Variants in SSPN observed in about 807,000 individuals in gnomAD.
The protein encoded by SSPN is sarcospan.
A neutral mutation model predicts 19.1 loss-of-function variants in SSPN; 15 were observed. That is an observed-to-expected ratio of 0.78 (90% CI 0.52 to 1.21). SSPN has a LOEUF of 1.21. Ranked by LOEUF, SSPN falls within the 50% of genes most tolerant of loss-of-function variation. The probability of loss-of-function intolerance (pLI) is 0.00; values close to 1 mark genes in which losing one functional copy is unlikely to be tolerated. For synonymous variants in SSPN, 147 were observed against 140.3 expected (o/e 1.05, Z -0.34); for missense variants, 291 against 314.0 (o/e 0.93, Z 0.55).
At chr12:26,190,597 G>A (rs138881866), upstream of SSPN, among the ~76,000 whole-genome samples, 74 of 152,216 alleles carry the variant, frequency 4.9e-4, 1 homozygote, top group African/African-American at 1.6e-3. Context: ...ATCACTGAAT[G>A]TTGGGGTGAT....
At chr12:26,212,757 C>T (rs1038479221) in intron 1 of SSPN, among the ~76,000 whole-genome samples, 4 of 152,076 alleles carry the variant, frequency 2.6e-5, no homozygotes, top group Admixed American at 6.6e-5. Context: ...AGTAGTCATT[C>T]GCAAAGCTTC....
chr12:26,147,715 C>T (rs1944501318), intron 1 of SSPN, among the ~76,000 whole-genome samples: 1 of 152,212 alleles, frequency 6.6e-6, no homozygotes, highest in African/African-American at 2.4e-5. Context: ...GCAAGCCTGA[C>T]AATAGAAGAC....
intron 1 of SSPN, among the ~76,000 whole-genome samples, chr12:26,172,487 G>A (rs545749076): frequency 3.3e-5 from 5 of 152,242 alleles, no homozygotes; most frequent in African/African-American, 9.6e-5. Flanking sequence ...TCTCTGATGC[G>A]AAAGATGAGG....
rs1380173264 is a variant in SSPN at position 26,201,406 on chromosome 12, T to G, written c.279+5455T>G. On this transcript the variant is annotated intron_variant, in intron 1 of 2. Coordinates refer to ENST00000242729, the MANE Select transcript of SSPN (RefSeq NM_005086.5). ...AAAAAAAAAAAAGAATTTGGCGAAT[T>G]TGGCGAAATGTTTCCTGAAATAATT... 2.6e-5 allele frequency among the ~76,000 whole-genome samples: 4 copies of G among 151,898 alleles called. No individual in the cohort carries two copies. The East Asian group carries it at 5.8e-4, about 22-fold the overall frequency.
intron 1 of SSPN, among the ~76,000 whole-genome samples, chr12:26,129,396 C>T (rs113341562): frequency 1.1e-3 from 169 of 152,250 alleles, no homozygotes; most frequent in African/African-American, 3.6e-3. Context: ...CTAGGAATTT[C>T]GGCTCTTGGC....
At chr12:26,192,164 C>T (rs959791761), upstream of SSPN, among the ~76,000 whole-genome samples, 1 of 152,170 alleles carries the variant, frequency 6.6e-6, no homozygotes, top group African/African-American at 2.4e-5. Context: ...ATTTTGTTTT[C>T]TCCCCCAAGA....
At chr12:26,210,609 T>C (rs1350817377) in intron 1 of SSPN, among the ~76,000 whole-genome samples, 2 of 152,166 alleles carry the variant, frequency 1.3e-5, no homozygotes, top group African/African-American at 4.8e-5. Context: ...TTCATGTTAC[T>C]TTCTCATCTT....
At chr12:26,196,000 C>A in intron 1 of SSPN, 49 bp downstream of exon 1, 1 of 1,393,254 alleles carries the variant, frequency 7.2e-7, no homozygotes, top group Non-Finnish European at 9.4e-7. Context: ...AACAGGAATG[C>A]GAAGTCGCAT....
At chr12:26,198,693 A>C (rs1363136113) in intron 1 of SSPN, among the ~76,000 whole-genome samples, 3 of 152,132 alleles carry the variant, frequency 2.0e-5, no homozygotes, top group Non-Finnish European at 1.5e-5. Context: ...TTGCCGTCTC[A>C]CCTTTCTCTG....
chr12:26,144,772 TA>T (rs1299238981), intron 1 of SSPN, among the ~76,000 whole-genome samples: 4 of 152,364 alleles, frequency 2.6e-5, no homozygotes, highest in African/African-American at 7.2e-5. Context: ...GATGGTTTTG[TA>T]GCATGATTTT....
chr12:26,188,720 T>TA (rs1329656387), intron 1 of SSPN, among the ~76,000 whole-genome samples: 1 of 152,234 alleles, frequency 6.6e-6, no homozygotes, highest in African/African-American at 2.4e-5. Context: ...ATTAAAGCCA[T>TA]ATTATAACCT....
chr12:26,132,528 G>A (rs1009976532), intron 1 of SSPN, among the ~76,000 whole-genome samples: 2 of 152,164 alleles, frequency 1.3e-5, no homozygotes, highest in African/African-American at 4.8e-5. Context: ...TGTAGTCAGT[G>A]GCCTTGGTCT....
intron 1 of SSPN, among the ~76,000 whole-genome samples, chr12:26,223,313 C>T (rs534969495): frequency 5.3e-5 from 8 of 152,280 alleles, no homozygotes; most frequent in Admixed American, 1.3e-4. Context: ...CAGATTCAAG[C>T]GATTCTCCTG....
rs531617864 is a variant in SSPN at position 26,203,218 on chromosome 12, A to G, written c.279+7267A>G. Among the ~76,000 whole-genome samples the G allele has an allele frequency of 1.3e-4, 20 of 152,352 alleles. No individual in the cohort carries two copies. The South Asian group carries it at 3.1e-3, about 24-fold the overall frequency. Reference sequence around the variant, plus strand: ...ATCAAACCATATCAGACAGGAATGTAATCTAGTCATTAAACTTTAATTAGG... The same window carrying G: ...ATCAAACCATATCAGACAGGAATGTGATCTAGTCATTAAACTTTAATTAGG... On this transcript the variant is annotated intron_variant, in intron 1 of 2. Coordinates refer to ENST00000242729, the MANE Select transcript of SSPN (RefSeq NM_005086.5).
chr12:26,177,665 A>C (rs1413011018), intron 1 of SSPN, among the ~76,000 whole-genome samples: 2 of 152,188 alleles, frequency 1.3e-5, no homozygotes, highest in African/African-American at 4.8e-5. Flanking sequence ...AATCCTTTGA[A>C]TGCAAGGAAC....
Position 26,232,922 on chromosome 12 carries a change from C to T in SSPN, c.*1846C>T, listed in dbSNP as rs1024350635. 1.7e-5 allele frequency: 2 copies of T among 115,458 alleles called. No homozygotes were observed. Among genetic ancestry groups the T allele is most frequent in the Non-Finnish European group, 3.3e-5 (2 of 60,384 alleles). The allele number at this position is 115,458 out of a possible 1,614,324, so 7.2% of individuals were successfully genotyped here. A position where few individuals can be genotyped will look rare whatever the true frequency, so the allele number is the denominator to read the frequency against. On this transcript the variant is annotated 3_prime_UTR_variant, in exon 3 of 3. Coordinates refer to ENST00000242729, the MANE Select transcript of SSPN (RefSeq NM_005086.5). ...AGAATGATGAGGACCTGTAAAATAC[C>T]TTGTGCCCTATTAAAAAAAAAAAAA...
At chr12:26,227,379 G>A (rs1283442012) in intron 2 of SSPN, among the ~76,000 whole-genome samples, 1 of 152,182 alleles carries the variant, frequency 6.6e-6, no homozygotes, top group Non-Finnish European at 1.5e-5. Flanking sequence ...AGTCACTAAA[G>A]TGTGAGATAG....
At chr12:26,197,723 G>A (rs1334410466) in intron 1 of SSPN, among the ~76,000 whole-genome samples, 1 of 152,212 alleles carries the variant, frequency 6.6e-6, no homozygotes, top group Admixed American at 6.5e-5. Context: ...CTCCCTGGGT[G>A]TTGCACAAAG....
At chr12:26,213,128 AT>A (rs3082339) in intron 1 of SSPN, among the ~76,000 whole-genome samples, 51,164 of 151,256 alleles carry the variant, frequency 0.34, 9,150 homozygotes, top group South Asian at 0.52. Context: ...ATTGAAAAGC[AT>A]TTTTTTTTCC....
Sources: gnomAD v4.1 joint callset for allele counts (sites outside exome capture counted in the v4.1 genomes callset) on GRCh38, gnomAD v4.1.1 for gene constraint, MANE v1.5 for transcripts, NCBI Gene and HGNC (gene_info 2026-07-23, HGNC 2026-07-21) for gene names.